Variants in PLA2G4C observed in about 807,000 individuals in gnomAD.
The protein encoded by PLA2G4C is cytosolic phospholipase A2 gamma.
PLA2G4C carries 64 observed loss-of-function variants against 73.8 expected under a neutral mutation model. The ratio of observed to expected loss-of-function variants is 0.87; its 90% CI spans 0.71 to 1.07. The LOEUF is 1.07. PLA2G4C is among the 50% of genes least tolerant of loss of function. The pLI, the probability that PLA2G4C is intolerant of heterozygous loss-of-function variation, is 0.00. For missense variants in PLA2G4C, 622 were observed against 665.4 expected (o/e 0.93, Z 0.72); for synonymous variants, 254 against 252.1 (o/e 1.01, Z -0.07).
At chr19:48,065,196 C>G (rs540520190) in intron 13 of PLA2G4C, among the ~76,000 whole-genome samples, 5 of 141,788 alleles carry the variant, frequency 3.5e-5, no homozygotes, top group Admixed American at 1.6e-4. Context: ...TCAAATATAT[C>G]TAAGATATAC....
intron 1 of PLA2G4C, among the ~76,000 whole-genome samples, chr19:48,109,561 C>G (rs190027812): frequency 6.6e-6 from 1 of 152,170 alleles, no homozygotes; most frequent in Non-Finnish European, 1.5e-5. Flanking sequence ...CATGAGTCAT[C>G]GCACTCGGCC....
In PLA2G4C at chr19:48,088,654, A is replaced by T. The variant is rs572761755; in HGVS notation, c.790+32T>A. ...AAGCAAGTGTGCGGTCCCCATTATC[A>T]TCAGGGATTCATGATGAAGTAGGAT... On this transcript the variant is annotated intron_variant, in intron 9 of 16. Coordinates refer to ENST00000599921, the MANE Select transcript of PLA2G4C (RefSeq NM_003706.3). 4 of 1,555,832 alleles carry T rather than the reference A, an allele frequency of 2.6e-6. No homozygotes were observed. The East Asian group carries it at 9.0e-5, about 35-fold the overall frequency.
chr19:48,072,587 G>C lies in PLA2G4C; in HGVS notation c.1006+2180C>G, dbSNP rs1232593367. 2.0e-5 allele frequency: 3 copies of C among 152,150 alleles called. 1 individual carries two copies. In the South Asian group the frequency reaches 6.2e-4, roughly 32 times the overall value. The allele number at this position is 152,150 out of a possible 1,614,324, so 9.4% of individuals were successfully genotyped here. A position where few individuals can be genotyped will look rare whatever the true frequency, so the allele number is the denominator to read the frequency against. On this transcript the variant is annotated intron_variant, in intron 12 of 16. Transcript: ENST00000599921. This position sits in a 1 kb window ranked among gnomAD's most constrained non-coding sequence, Gnocchi z 4.4. The stretch of plus-strand genomic sequence containing the variant: ...CTGAGCTATCACCTTGGAAAAGGAG[G>C]CTTCTTCATTAATCCCATCTAAGGG...
chr19:48,077,777 G>C lies in PLA2G4C; in HGVS notation c.892C>G (p.Pro298Ala), dbSNP rs768815587. The change falls in exon 11 of 17, where the codon CCA (proline) becomes GCA (alanine). Residue 298 changes from proline (P) to alanine (A), a missense_variant. Physicochemically the swap from Pro to Ala is conservative, Grantham distance 27. Transcript: ENST00000599921. ...GGCAAAGTAGGATGCTTACCTTCTG[G>C]GGGAGGATGTTCCCCTTGTGAACTT... is the stretch of plus-strand genomic sequence containing the variant. ...QESSQGEHPP[P>A]EDEGGEPEHT... The C allele has an allele frequency of 6.2e-6, 10 of 1,601,836 alleles. No homozygotes were observed. Among genetic ancestry groups the C allele is most frequent in the Non-Finnish European group, 8.5e-6 (10 of 1,173,368 alleles).
At chr19:48,052,898 T>C in intron 16 of PLA2G4C, 99 bp downstream of exon 16, 1 of 1,312,150 alleles carries the variant, frequency 7.6e-7, no homozygotes, top group Non-Finnish European at 1.1e-6. Context: ...CCTATCTTTT[T>C]TCACCCATGC....
At chr19:48,051,593 C>A (rs1967728093) in intron 16 of PLA2G4C, among the ~76,000 whole-genome samples, 1 of 151,766 alleles carries the variant, frequency 6.6e-6, no homozygotes, top group South Asian at 2.1e-4. Context: ...GCAGGGGAAA[C>A]TGCCACTTAA....
At position 48,105,923 on chromosome 19, in the gene PLA2G4C, C is replaced by T. The variant is rs537242752; in HGVS notation, c.9-479G>A. On this transcript the variant is annotated intron_variant, in intron 2 of 16. Transcript: ENST00000599921. ...CCTCCCTCCCTCCCTCCCTCCCTCCCTCCCTCCCTCCCTCCCTCCCTCCCT... is the reference window on the plus strand; with the variant it reads ...CCTCCCTCCCTCCCTCCCTCCCTCCTTCCCTCCCTCCCTCCCTCCCTCCCT... Among the ~76,000 whole-genome samples, 62 of 16,190 alleles carry T rather than the reference C, an allele frequency of 3.8e-3. 5 individuals are homozygous for T. The highest frequency in any genetic ancestry group is 0.013 in the African/African-American group (18 of 1,352). The allele number at this position is 16,190 out of a possible 152,430, so 10.6% of individuals were successfully genotyped here. A position where few individuals can be genotyped will look rare whatever the true frequency, so the allele number is the denominator to read the frequency against.
chr19:48,110,378 A>G, intron 1 of PLA2G4C, 109 bp downstream of exon 1: 1 of 679,126 alleles, frequency 1.5e-6, no homozygotes, highest in Non-Finnish European at 2.2e-6. Context: ...AAAATAAAAT[A>G]AAATAAAAAA....
chr19:48,070,726 C>T (rs1376362744), intron 12 of PLA2G4C, among the ~76,000 whole-genome samples: 1 of 151,886 alleles, frequency 6.6e-6, no homozygotes, highest in Non-Finnish European at 1.5e-5. Flanking sequence ...GGGAACAACA[C>T]ACACTGGGGC....
At chr19:48,093,700 G>T (rs1600235008) in intron 7 of PLA2G4C, among the ~76,000 whole-genome samples, 2 of 152,218 alleles carry the variant, frequency 1.3e-5, no homozygotes, top group East Asian at 3.9e-4. Context: ...AGACAAACTT[G>T]GTCCTGGCTT....
intron 14 of PLA2G4C, chr19:48,061,472 A>C (rs575214991): frequency 6.3e-6 from 1 of 157,912 alleles, no homozygotes; most frequent in East Asian, 1.9e-4. Flanking sequence ...ATCAGGCCAC[A>C]CAGCTGGTAA....
Position 48,048,385 on chromosome 19 carries a change from G to C in PLA2G4C, c.1584C>G (p.Leu528=), listed in dbSNP as rs1967600781. The C allele has an allele frequency of 1.3e-6, 2 of 1,586,622 alleles. No individual in the cohort carries two copies. The highest frequency in any genetic ancestry group is 3.8e-5 in the Admixed American group (2 of 52,374). The part of the protein sequence containing the change: ...ILRELMNVAG[L]YYPKDSARSC... Reference sequence around the variant, plus strand: ...TTCGGGCACTATCCTTCGGGTAGTAGAGCCTGGGGAGAAAGGAAAGTTAGA... The same window carrying C: ...TTCGGGCACTATCCTTCGGGTAGTACAGCCTGGGGAGAAAGGAAAGTTAGA... The change falls in exon 17 of 17, where the codon CTC becomes CTG. Residue 528 remains leucine (L), a synonymous_variant. Transcript: ENST00000599921.
Position 48,099,726 on chromosome 19 carries a change from T to C in PLA2G4C, c.392A>G (p.Asn131Ser), listed in dbSNP as rs2031797002. The C allele has an allele frequency of 6.2e-7, 1 of 1,614,034 alleles. No individual in the cohort carries two copies. The highest frequency in any genetic ancestry group is 8.5e-7 in the Non-Finnish European group (1 of 1,179,916). The stretch of plus-strand genomic sequence containing the variant: ...GGCCCAGAAGTCGGTCAGAGAGTAA[T>C]TCTCAGACCTCGCTGCTTGGATGGT... ...QKTIQAARSENYSLTDFWAYM... is the reference protein window; with the variant it reads ...QKTIQAARSESYSLTDFWAYM... The change falls in exon 5 of 17, where the codon AAT (asparagine) becomes AGT (serine). Residue 131 changes from asparagine (N) to serine (S), a missense_variant. Asn to Ser is a conservative substitution (Grantham distance 46, BLOSUM62 1). Coordinates refer to ENST00000599921, the MANE Select transcript of PLA2G4C (RefSeq NM_003706.3).
intron 16 of PLA2G4C, among the ~76,000 whole-genome samples, chr19:48,049,738 C>A (rs957550036): frequency 6.6e-6 from 1 of 152,146 alleles, no homozygotes; most frequent in Non-Finnish European, 1.5e-5. Flanking sequence ...GCCCTGAGTT[C>A]TACAGGTGAG....
At chr19:48,087,230 G>C (rs1024578437) in intron 9 of PLA2G4C, among the ~76,000 whole-genome samples, 2 of 152,182 alleles carry the variant, frequency 1.3e-5, no homozygotes, top group African/African-American at 2.4e-5. Context: ...CAGTTTCAGT[G>C]CTGGGCTCAG....
rs139804591 is a variant in PLA2G4C, at chr19:48,086,301, G to A, written c.791-1189C>T. On this transcript the variant is annotated intron_variant, in intron 9 of 16. Transcript: ENST00000599921. ...AACAGGGTGGGAGGGGATCTGCCTCGCCAAGTGTGTGGGATCCGCGTGGGG... is the reference window on the plus strand; with the variant it reads ...AACAGGGTGGGAGGGGATCTGCCTCACCAAGTGTGTGGGATCCGCGTGGGG... Among the ~76,000 whole-genome samples the A allele has an allele frequency of 4.4e-3, 670 of 152,188 alleles. 4 individuals carry two copies. Among genetic ancestry groups the A allele is most frequent in the African/African-American group, 0.015 (620 of 41,520 alleles).
chr19:48,101,159 C>G (rs1255275698), intron 4 of PLA2G4C, among the ~76,000 whole-genome samples: 2 of 128,240 alleles, frequency 1.6e-5, no homozygotes, highest in Non-Finnish European at 3.1e-5. Context: ...AGGTCTTGCT[C>G]TGTTGCCCAG....
At chr19:48,080,180 T>C (rs1352644244) in intron 10 of PLA2G4C, among the ~76,000 whole-genome samples, 2 of 151,858 alleles carry the variant, frequency 1.3e-5, no homozygotes, top group African/African-American at 4.8e-5. Flanking sequence ...TGAATAGACA[T>C]TTCTCAAAAG....
chr19:48,058,253 C>T (rs1169604789), intron 14 of PLA2G4C, among the ~76,000 whole-genome samples: 3 of 151,608 alleles, frequency 2.0e-5, no homozygotes, highest in African/African-American at 4.8e-5. Flanking sequence ...AAGCCGATAT[C>T]GTGCCATTGC....
Sources: gnomAD v4.1 joint callset for allele counts (sites outside exome capture counted in the v4.1 genomes callset) on GRCh38, gnomAD v4.1.1 for gene constraint, Gnocchi (gnomAD v3.1) non-coding constraint, MANE v1.5 for transcripts, NCBI Gene and HGNC (gene_info 2026-07-23, HGNC 2026-07-21) for gene names.